The following ASB3 variants were observed in gnomAD, a reference collection of about 807,000 sequenced individuals.
ASB3 encodes ankyrin repeat and SOCS box protein 3.
Under a neutral mutation model 54.5 loss-of-function variants are expected in ASB3, and 41 were observed. The observed-to-expected ratio is 0.75, with a 90% CI of 0.59 to 0.98. ASB3 has a LOEUF of 0.98. Among genes scored for constraint, ASB3 ranks in the 50% least tolerant of loss-of-function variants. The pLI, the probability that ASB3 is intolerant of heterozygous loss-of-function variation, is 0.00. For synonymous variants in ASB3, 266 were observed against 221.2 expected, an observed-to-expected ratio of 1.20 and a Z score of -1.80; for missense variants, 733 against 620.0, an observed-to-expected ratio of 1.18 and a Z score of -1.94.
At chr2:53,687,864 G>A (rs1401004597) in intron 9 of ASB3, among the ~76,000 whole-genome samples, 1 of 152,136 alleles carries the variant, frequency 6.6e-6, no homozygotes, top group East Asian at 1.9e-4. Flanking sequence ...CATCCAGGCT[G>A]GAGTACAATG....
intron 9 of ASB3, among the ~76,000 whole-genome samples, chr2:53,686,883 G>A (rs903470998): frequency 2.4e-4 from 37 of 152,072 alleles, no homozygotes; most frequent in Middle Eastern, 3.4e-3. Context: ...CACCACACCC[G>A]GCTAATTTTG....
At chr2:53,672,726 A>G (rs1226254466) in intron 9 of ASB3, among the ~76,000 whole-genome samples, 1 of 152,234 alleles carries the variant, frequency 6.6e-6, no homozygotes, top group Non-Finnish European at 1.5e-5. Context: ...ATAAGGACAC[A>G]GTTTCACTTT....
chr2:53,713,152 G>A (rs1032866761), intron 7 of ASB3, among the ~76,000 whole-genome samples: 1 of 152,144 alleles, frequency 6.6e-6, no homozygotes, highest in African/African-American at 2.4e-5. Context: ...CCAGGCTGGT[G>A]AAACCCTATC....
At chr2:53,699,667 C>A (rs1272807925) in intron 8 of ASB3, among the ~76,000 whole-genome samples, 1 of 152,150 alleles carries the variant, frequency 6.6e-6, no homozygotes, top group Non-Finnish European at 1.5e-5. Flanking sequence ...CCTCTCGCTA[C>A]TACAATTACT....
intron 1 of ASB3, among the ~76,000 whole-genome samples, chr2:53,775,737 A>G (rs1674296049): frequency 1.3e-5 from 2 of 152,164 alleles, no homozygotes; most frequent in African/African-American, 4.8e-5. Flanking sequence ...CAGCCTCCCA[A>G]AGTGCTAGGA....
chr2:53,691,981 C>T (rs928930088), intron 9 of ASB3, among the ~76,000 whole-genome samples: 5 of 152,196 alleles, frequency 3.3e-5, no homozygotes, highest in African/African-American at 1.2e-4. Context: ...ATCCAGATTT[C>T]TCAACCTCGG....
At chr2:53,755,417 C>T (rs1022040658) in intron 2 of ASB3, among the ~76,000 whole-genome samples, 1 of 152,164 alleles carries the variant, frequency 6.6e-6, no homozygotes, top group Non-Finnish European at 1.5e-5. Flanking sequence ...CAAACTCTAA[C>T]AGGGAAAGTC....
chr2:53,726,665 C>T (rs1275426923), intron 5 of ASB3, among the ~76,000 whole-genome samples: 3 of 150,758 alleles, frequency 2.0e-5, no homozygotes, highest in Non-Finnish European at 4.4e-5. Context: ...TATACACACA[C>T]ATATATATAT....
intron 9 of ASB3, among the ~76,000 whole-genome samples, chr2:53,684,168 A>G (rs933791127): frequency 1.3e-5 from 2 of 152,182 alleles, no homozygotes; most frequent in African/African-American, 4.8e-5. Context: ...GGAATTAATA[A>G]CTAGATTCGT....
Position 53,670,381 on chromosome 2 carries a change from CCTAT to C in ASB3, c.*118_*121del, listed in dbSNP as rs1667749869. 1.8e-6 allele frequency: 2 copies of C among 1,090,194 alleles called. No homozygotes were observed. Among genetic ancestry groups the C allele is most frequent in the South Asian group, 4.0e-5 (2 of 50,532 alleles). 67.5% of individuals were successfully genotyped at this position (1,090,194 alleles called of 1,614,324 possible). On this transcript the variant is annotated 3_prime_UTR_variant, in exon 10 of 10. Transcript: ENST00000263634. ...GAACTACTGGCCCCCCAAAACCTAA[CCTAT>C]CTCACAATCAATAATCATCTTTTGA...
At chr2:53,762,007 G>C (rs972640529) in intron 2 of ASB3, among the ~76,000 whole-genome samples, 2 of 152,234 alleles carry the variant, frequency 1.3e-5, no homozygotes, top group African/African-American at 4.8e-5. Flanking sequence ...ACTCAAGAGA[G>C]CAGAAGAGTG....
chr2:53,728,441 C>G (rs1671128144), intron 5 of ASB3, among the ~76,000 whole-genome samples: 1 of 152,150 alleles, frequency 6.6e-6, no homozygotes, highest in South Asian at 2.1e-4. Flanking sequence ...CAGGAAAGGA[C>G]AGCCCCATCA....
At chr2:53,686,472 C>T (rs3770411) in intron 9 of ASB3, among the ~76,000 whole-genome samples, 5 of 152,060 alleles carry the variant, frequency 3.3e-5, no homozygotes, top group African/African-American at 1.2e-4. Flanking sequence ...TAAGCAGCTA[C>T]AAGAAACCTT....
At chr2:53,763,147 C>T (rs1417163616) in intron 2 of ASB3, among the ~76,000 whole-genome samples, 1 of 152,046 alleles carries the variant, frequency 6.6e-6, no homozygotes, top group Non-Finnish European at 1.5e-5. Flanking sequence ...TTTGGGAAGC[C>T]AAGGCAGGAG....
Position 53,714,440 on chromosome 2 carries a change from G to T in ASB3, c.924C>A (p.Ala308=), listed in dbSNP as rs200634633. ...TGAATCCAAAAACAAGGCACGCCTG[G>T]GCGTCTGGGCTGTAGCCATTCCGGA... ...ILLRNGYSPD[A]QACLVFGFSS... Residue 308 remains alanine (A), a synonymous_variant, in exon 7 of 10, where the codon GCC becomes GCA. Coordinates refer to ENST00000263634, the MANE Select transcript of ASB3 (RefSeq NM_016115.5). 1 of 1,614,224 alleles carries T rather than the reference G, an allele frequency of 6.2e-7. No individual in the cohort carries two copies. The highest frequency in any genetic ancestry group is 1.3e-5 in the African/African-American group (1 of 75,062).
chr2:53,754,718 A>C (rs113251241), intron 2 of ASB3, among the ~76,000 whole-genome samples: 125 of 152,318 alleles, frequency 8.2e-4, no homozygotes, highest in Non-Finnish European at 1.6e-3. Context: ...AACTCTCAAT[A>C]GGGTTCAATA....
At chr2:53,764,080 A>T (rs764123170) in intron 2 of ASB3, among the ~76,000 whole-genome samples, 9 of 152,150 alleles carry the variant, frequency 5.9e-5, no homozygotes, top group Non-Finnish European at 1.0e-4. Flanking sequence ...ACCAAAAACA[A>T]TGTAAAGATT....
chr2:53,678,238 C>G (rs1012110689), intron 9 of ASB3, among the ~76,000 whole-genome samples: 1 of 152,060 alleles, frequency 6.6e-6, no homozygotes, highest in African/African-American at 2.4e-5. Flanking sequence ...TTCTCATGAT[C>G]TCTAGAACTT....
chr2:53,744,843 T>C (rs1558554923), intron 3 of ASB3, among the ~76,000 whole-genome samples: 1 of 152,264 alleles, frequency 6.6e-6, no homozygotes, highest in Non-Finnish European at 1.5e-5. Context: ...CTATGTGAGC[T>C]GAAGTATGAC....
Sources: gnomAD v4.1 joint callset for allele counts (sites outside exome capture counted in the v4.1 genomes callset) on GRCh38, gnomAD v4.1.1 for gene constraint, MANE v1.5 for transcripts, NCBI Gene and HGNC (gene_info 2026-07-23, HGNC 2026-07-21) for gene names.